Variants in ANO6 observed in about 807,000 individuals in gnomAD.
ANO6 encodes anoctamin-6.
ANO6 carries 106 observed loss-of-function variants against 117.5 expected under a neutral mutation model. That is an observed-to-expected ratio of 0.90 (90% CI 0.77 to 1.06). ANO6 has a LOEUF of 1.06. ANO6 is among the 50% of genes least tolerant of loss of function. The pLI, the probability that ANO6 is intolerant of heterozygous loss-of-function variation, is 0.00. For synonymous variants in ANO6, 367 were observed against 385.1 expected (o/e 0.95, Z 0.55); for missense variants, 955 against 1,121.1 (o/e 0.85, Z 2.12).
At chr12:45,333,385 A>C (rs900298674) in intron 3 of ANO6, among the ~76,000 whole-genome samples, 1 of 152,090 alleles carries the variant, frequency 6.6e-6, no homozygotes, top group African/African-American at 2.4e-5. Flanking sequence ...ATATTCATTA[A>C]GTATCCATAT....
chr12:45,302,107 C>G lies in ANO6; in HGVS notation c.150+14C>G. On this transcript the variant is annotated intron_variant, in intron 2 of 19. Transcript: ENST00000320560. ...ACCCCGGAGTTTGTGAGTACTATTC[C>G]TTTATCTTAAATTTGTATTCTTAAG... is the stretch of plus-strand genomic sequence containing the variant. The G allele has an allele frequency of 6.2e-7, 1 of 1,610,632 alleles. No individual in the cohort carries two copies. The highest frequency in any genetic ancestry group is 8.5e-7 in the Non-Finnish European group (1 of 1,176,974).
intron 12 of ANO6, among the ~76,000 whole-genome samples, chr12:45,395,955 C>T (rs1438610244): frequency 6.6e-6 from 1 of 152,188 alleles, no homozygotes; most frequent in East Asian, 1.9e-4. Context: ...CCTCTCTCTC[C>T]ACTCCCATTC....
chr12:45,378,879 A>G (rs1942099804), intron 10 of ANO6, among the ~76,000 whole-genome samples: 1 of 152,232 alleles, frequency 6.6e-6, no homozygotes, highest in Non-Finnish European at 1.5e-5. Flanking sequence ...GTATAATAAC[A>G]ACAAACTCTA....
rs1453921016 is a variant in ANO6 at position 45,223,780 on chromosome 12, C to T, written c.70+7389C>T. On this transcript the variant is annotated intron_variant, in intron 1 of 19. Transcript: ENST00000320560. ...ATTTTTAAGAGTTGTCTCTTTTCCT[C>T]ATTCTCCTCTAAAATGTAAGCTCCC... Among the ~76,000 whole-genome samples, 5 of 152,138 alleles carry T rather than the reference C, an allele frequency of 3.3e-5. No homozygotes were observed. In the East Asian group the frequency reaches 9.6e-4, roughly 29 times the overall value.
At position 45,388,339 on chromosome 12, in the gene ANO6, CT is replaced by C. The variant is rs1312135308; in HGVS notation, c.1308+38del. ...TCGTATTTAGGTGCAGTTTAATCTACTTACTGCTGTGGTTCTCCTCCTTGGC... is the reference window on the plus strand; with the variant it reads ...TCGTATTTAGGTGCAGTTTAATCTACTACTGCTGTGGTTCTCCTCCTTGGC... On this transcript the variant is annotated intron_variant, in intron 11 of 19. Transcript: ENST00000320560. 8 of 1,612,308 alleles carry C rather than the reference CT, an allele frequency of 5.0e-6. No homozygotes were observed. In the East Asian group the frequency reaches 1.8e-4, roughly 36 times the overall value.
At position 45,302,024 on chromosome 12, in the gene ANO6, C is replaced by T. The variant is rs1004611294; in HGVS notation, c.81C>T (p.Asn27=). 1.2e-6 allele frequency: 2 copies of T among 1,613,894 alleles called. No homozygotes were observed. The highest frequency in any genetic ancestry group is 2.2e-5 in the East Asian group (1 of 44,864). ...TTCATTCGTTTTTAGTGTTGGAAAACCTTGGACAGACAATTGTCCCCGATT... is the reference window on the plus strand; with the variant it reads ...TTCATTCGTTTTTAGTGTTGGAAAATCTTGGACAGACAATTGTCCCCGATT... The part of the protein sequence containing the change: ...DDDDGDIVLE[N]LGQTIVPDLG... The change falls in exon 2 of 20, where the codon AAC becomes AAT. Residue 27 remains asparagine (N), a synonymous_variant. Transcript: ENST00000320560.
At chr12:45,276,581 C>T (rs1938562142) in intron 1 of ANO6, among the ~76,000 whole-genome samples, 1 of 152,118 alleles carries the variant, frequency 6.6e-6, no homozygotes, top group Admixed American at 6.6e-5. Flanking sequence ...TCCTGTGACC[C>T]ACCCTACCCG....
intron 3 of ANO6, among the ~76,000 whole-genome samples, chr12:45,335,384 C>G (rs1940795438): frequency 6.6e-6 from 1 of 151,958 alleles, no homozygotes; most frequent in Non-Finnish European, 1.5e-5. Flanking sequence ...AACAGTTTTC[C>G]TAGAGTCTGG....
intron 1 of ANO6, 84 bp from the exon 2 acceptor site, chr12:45,301,930 C>A: frequency 1.8e-6 from 2 of 1,117,296 alleles, no homozygotes; most frequent in Non-Finnish European, 2.7e-6. Flanking sequence ...GTTAATAACC[C>A]GGTGCTGCTG....
At chr12:45,403,729 T>C (rs1942860521) in intron 15 of ANO6, among the ~76,000 whole-genome samples, 193 bp downstream of exon 15, 1 of 152,198 alleles carries the variant, frequency 6.6e-6, no homozygotes, top group African/African-American at 2.4e-5. Context: ...CAGGATCTAA[T>C]AATTGTATTT....
chr12:45,305,509 C>A lies in ANO6; in HGVS notation c.150+3416C>A, dbSNP rs552746704. ...GCAGTTAGTTCAAGGAGGATGTAGT[C>A]AGGAAAATGGTGGCATAGCCAGATG... On this transcript the variant is annotated intron_variant, in intron 2 of 19. Transcript: ENST00000320560. 2.7e-4 allele frequency among the ~76,000 whole-genome samples: 41 copies of A among 152,190 alleles called. No individual in the cohort carries two copies. The South Asian group carries it at 4.6e-3, about 17-fold the overall frequency.
At chr12:45,252,435 A>T (rs1009317529) in intron 1 of ANO6, among the ~76,000 whole-genome samples, 1 of 152,236 alleles carries the variant, frequency 6.6e-6, no homozygotes, top group African/African-American at 2.4e-5. Flanking sequence ...ATACAAACAT[A>T]TCTGCATCTC....
In ANO6 at chr12:45,367,799, T is replaced by A; in HGVS notation, c.1104+6T>A. On this transcript the variant is annotated splice_donor_region_variant and intron_variant, in intron 9 of 19. Coordinates refer to ENST00000320560, the MANE Select transcript of ANO6 (RefSeq NM_001025356.3). ...TTACTTGCGAGTCCTCAAAGGTAAT[T>A]TTTGCTATTGCCAATATTTACACCT... is the stretch of plus-strand genomic sequence containing the variant. The A allele has an allele frequency of 6.2e-7, 1 of 1,607,352 alleles. No homozygotes were observed. The highest frequency in any genetic ancestry group is 1.1e-5 in the South Asian group (1 of 90,938).
chr12:45,396,958 C>A (rs1037436123), intron 12 of ANO6, among the ~76,000 whole-genome samples: 4 of 152,100 alleles, frequency 2.6e-5, no homozygotes, highest in African/African-American at 9.7e-5. Context: ...ATAGCAACAC[C>A]AAAAGCAATA....
Position 45,430,776 on chromosome 12 carries a change from T to TGTAA in ANO6, c.*1468_*1471dup. On this transcript the variant is annotated 3_prime_UTR_variant, in exon 20 of 20. Coordinates refer to ENST00000320560, the MANE Select transcript of ANO6 (RefSeq NM_001025356.3). The stretch of plus-strand genomic sequence containing the variant: ...AGCAGTCTACTTCACTTTATTGCCT[T>TGTAA]GTAAGTGTCAGGCCTCCTGGGCGCT... The TGTAA allele has an allele frequency of 3.0e-6, 3 of 985,394 alleles. No individual in the cohort carries two copies. The highest frequency in any genetic ancestry group is 5.2e-4 in the Middle Eastern group (1 of 1,914). 61.0% of individuals were successfully genotyped at this position (985,394 alleles called of 1,614,324 possible).
chr12:45,427,737 T>TA (rs755601586), intron 19 of ANO6, among the ~76,000 whole-genome samples: 1,369 of 126,466 alleles, frequency 0.011, 8 homozygotes, highest in African/African-American at 0.012. Flanking sequence ...TAAGTTGGTT[T>TA]AAAAAAAAAA....
At chr12:45,424,333 T>TTTTTG (rs1943442553) in intron 19 of ANO6, among the ~76,000 whole-genome samples, 1 of 119,436 alleles carries the variant, frequency 8.4e-6, no homozygotes, top group African/African-American at 3.2e-5. Context: ...ATGGGTTTTT[T>TTTTTG]TTTTTTTTTT....
chr12:45,279,983 T>C (rs893025937), intron 1 of ANO6, among the ~76,000 whole-genome samples: 6 of 152,246 alleles, frequency 3.9e-5, no homozygotes, highest in African/African-American at 1.4e-4. Context: ...GGATTTTTTT[T>C]CCTCTGGGCT....
chr12:45,435,652 A>G (rs1336166650), downstream of ANO6, among the ~76,000 whole-genome samples: 1 of 152,178 alleles, frequency 6.6e-6, no homozygotes, highest in East Asian at 1.9e-4. Flanking sequence ...GGCATCATCA[A>G]AAACATACCA....
Sources: gnomAD v4.1 joint callset for allele counts (sites outside exome capture counted in the v4.1 genomes callset) on GRCh38, gnomAD v4.1.1 for gene constraint, MANE v1.5 for transcripts, NCBI Gene and HGNC (gene_info 2026-07-23, HGNC 2026-07-21) for gene names.